Variants in UTRN observed in about 807,000 individuals in gnomAD.
UTRN encodes dystrophin-related protein 1.
UTRN carries 283 observed loss-of-function variants against 463.9 expected under a neutral mutation model. The observed-to-expected ratio is 0.61, with a 90% CI of 0.55 to 0.67. The LOEUF (loss-of-function observed/expected upper bound fraction) is 0.67, where lower values mean the gene tolerates loss of function less well. Among genes scored for constraint, UTRN ranks in the 30% least tolerant of loss-of-function variants. The probability of loss-of-function intolerance (pLI) is 0.00; values close to 1 mark genes in which losing one functional copy is unlikely to be tolerated. For synonymous variants in UTRN, 1,442 were observed against 1,431.5 expected, an observed-to-expected ratio of 1.01 and a Z score of -0.17; for missense variants, 3,922 against 4,084.3, an observed-to-expected ratio of 0.96 and a Z score of 1.08.
chr6:144,563,093 A>C (rs1395883172), intron 50 of UTRN, among the ~76,000 whole-genome samples: 2 of 152,170 alleles, frequency 1.3e-5, no homozygotes, highest in African/African-American at 4.8e-5. Context: ...TCTTCTTTTG[A>C]AATGCTATTA....
chr6:144,545,205 A>T (rs1346070119), intron 46 of UTRN, among the ~76,000 whole-genome samples: 1 of 152,130 alleles, frequency 6.6e-6, no homozygotes, highest in Non-Finnish European at 1.5e-5. Context: ...TTCTATCTAG[A>T]TTATTGGAAT....
At chr6:144,599,702 G>A (rs1394628273) in intron 51 of UTRN, among the ~76,000 whole-genome samples, 1 of 152,132 alleles carries the variant, frequency 6.6e-6, no homozygotes, top group Non-Finnish European at 1.5e-5. Context: ...AAGGAAGGAA[G>A]AAGAAAATAA....
At chr6:144,643,929 T>G (rs140667030) in intron 51 of UTRN, among the ~76,000 whole-genome samples, 28 of 152,338 alleles carry the variant, frequency 1.8e-4, no homozygotes, top group Non-Finnish European at 2.5e-4. Context: ...TTCATGATAT[T>G]TCTGTCGTGT....
intron 2 of UTRN, among the ~76,000 whole-genome samples, chr6:144,401,872 G>A (rs184873023): frequency 9.2e-5 from 14 of 152,218 alleles, no homozygotes; most frequent in Admixed American, 9.2e-4. Flanking sequence ...GCACACCTGG[G>A]CTTCCTCCAT....
chr6:144,754,965 A>G (rs1791830500), intron 57 of UTRN, among the ~76,000 whole-genome samples, 167 bp downstream of exon 57: 1 of 152,200 alleles, frequency 6.6e-6, no homozygotes, highest in Admixed American at 6.6e-5. Flanking sequence ...TATTATTTGT[A>G]ATAACGTAAT....
intron 53 of UTRN, among the ~76,000 whole-genome samples, chr6:144,724,362 G>C (rs1380737974): frequency 6.6e-6 from 1 of 150,894 alleles, no homozygotes; most frequent in Non-Finnish European, 1.5e-5. Flanking sequence ...CCAAGTAGCT[G>C]GGACTACAGG....
intron 36 of UTRN, 53 bp downstream of exon 36, chr6:144,514,090 A>G (rs201462258): frequency 7.0e-4 from 1,120 of 1,606,846 alleles, no homozygotes; most frequent in Non-Finnish European, 8.2e-4. Flanking sequence ...TTTTGTTGTC[A>G]TGTTTTCTCT....
At chr6:144,616,654 G>A (rs1026582404) in intron 51 of UTRN, among the ~76,000 whole-genome samples, 6 of 151,242 alleles carry the variant, frequency 4.0e-5, no homozygotes, top group African/African-American at 4.9e-5. Flanking sequence ...TGATTTTTAT[G>A]TATATTATTA....
At chr6:144,691,543 AC>A in intron 52 of UTRN, among the ~76,000 whole-genome samples, 1 of 152,056 alleles carries the variant, frequency 6.6e-6, no homozygotes, top group East Asian at 1.9e-4. Flanking sequence ...AGTTACTTAA[AC>A]CCTTCCTCTT....
chr6:144,692,481 A>G (rs995443517), intron 52 of UTRN, among the ~76,000 whole-genome samples: 1 of 152,088 alleles, frequency 6.6e-6, no homozygotes, highest in African/African-American at 2.4e-5. Context: ...TGTCTTCTCA[A>G]TAGATGAACT....
chr6:144,741,736 T>A (rs981145057), intron 54 of UTRN, among the ~76,000 whole-genome samples: 1 of 152,206 alleles, frequency 6.6e-6, no homozygotes, highest in Non-Finnish European at 1.5e-5. Context: ...AGCGAGGCCC[T>A]GGTTGTCTGT....
At chr6:144,518,993 A>G (rs1795862478) in intron 39 of UTRN, among the ~76,000 whole-genome samples, 2 of 152,286 alleles carry the variant, frequency 1.3e-5, no homozygotes, top group Admixed American at 1.3e-4. Context: ...GGCATTTACA[A>G]AAACAAAACA....
intron 65 of UTRN, among the ~76,000 whole-genome samples, chr6:144,819,911 C>CCTCCCCCTCCTCCTCT (rs11397588): frequency 1.7e-5 from 2 of 118,610 alleles, no homozygotes; most frequent in African/African-American, 7.7e-5. Flanking sequence ...TCCTCCTCCT[C>CCTCCCCCTCCTCCTCT]CTCTCTCTCT....
At chr6:144,649,790 T>C (rs372299693) in intron 51 of UTRN, among the ~76,000 whole-genome samples, 2 of 152,284 alleles carry the variant, frequency 1.3e-5, no homozygotes, top group African/African-American at 4.8e-5. Flanking sequence ...GCTACTAGTA[T>C]ACTAGCTTTA....
intron 65 of UTRN, among the ~76,000 whole-genome samples, chr6:144,817,900 T>G (rs540673220): frequency 1.5e-3 from 236 of 152,314 alleles, no homozygotes; most frequent in African/African-American, 5.3e-3. Context: ...TGAGTATTAT[T>G]AGAAACTCTA....
intron 51 of UTRN, among the ~76,000 whole-genome samples, chr6:144,671,471 T>C (rs984473714): frequency 2.0e-5 from 3 of 152,166 alleles, no homozygotes; most frequent in Non-Finnish European, 4.4e-5. Context: ...TGCTACTGAT[T>C]TGTGTACATT....
chr6:144,824,546 GTA>G (rs66795017), intron 66 of UTRN, among the ~76,000 whole-genome samples: 10,766 of 77,324 alleles, frequency 0.14, 939 homozygotes, highest in East Asian at 0.5. Flanking sequence ...TAATACATAT[GTA>G]TATATATTAA....
chr6:144,358,975 A>G (rs1778806700), intron 2 of UTRN, among the ~76,000 whole-genome samples: 1 of 151,992 alleles, frequency 6.6e-6, no homozygotes, highest in Non-Finnish European at 1.5e-5. Flanking sequence ...CTTCATAAGC[A>G]TTTTCCATTT....
At chr6:144,693,709 A>G (rs979807678) in intron 52 of UTRN, among the ~76,000 whole-genome samples, 1 of 152,116 alleles carries the variant, frequency 6.6e-6, no homozygotes, top group African/African-American at 2.4e-5. Context: ...GTTGATGTGT[A>G]GGAATGCTAG....
Sources: gnomAD v4.1 joint callset for allele counts (sites outside exome capture counted in the v4.1 genomes callset) on GRCh38, gnomAD v4.1.1 for gene constraint, MANE v1.5 for transcripts, NCBI Gene and HGNC (gene_info 2026-07-23, HGNC 2026-07-21) for gene names.